Variants in CPNE4 observed in about 807,000 individuals in gnomAD.
The protein encoded by CPNE4 is copine-4.
A neutral mutation model predicts 67.9 loss-of-function variants in CPNE4; 25 were observed. The ratio of observed to expected loss-of-function variants is 0.37; its 90% confidence interval spans 0.27 to 0.51. The LOEUF is 0.51. CPNE4 is among the 20% of genes least tolerant of loss of function. The pLI is 0.93. For missense variants in CPNE4, 464 were observed against 690.8 expected (o/e 0.67, Z 3.68); for synonymous variants, 242 against 244.9 (o/e 0.99, Z 0.11).
chr3:131,796,103 A>C (rs575035832), intron 2 of CPNE4, among the ~76,000 whole-genome samples: 1 of 152,152 alleles, frequency 6.6e-6, no homozygotes, highest in African/African-American at 2.4e-5. Flanking sequence ...CTCAGCACCA[A>C]ATAAGGTTCC....
intron 2 of CPNE4, among the ~76,000 whole-genome samples, chr3:131,760,921 A>C (rs1295228419): frequency 1.3e-5 from 2 of 152,150 alleles, no homozygotes; most frequent in Non-Finnish European, 2.9e-5. Context: ...TCAAAGCAAG[A>C]GAAGAAGATT....
intron 15 of CPNE4, among the ~76,000 whole-genome samples, chr3:131,537,872 C>T (rs1038486494): frequency 3.3e-5 from 5 of 152,126 alleles, no homozygotes; most frequent in East Asian, 1.9e-4. Context: ...GAGAAAAATA[C>T]GTTCTATTTG....
At chr3:131,604,924 A>G (rs2107730865) in intron 7 of CPNE4, among the ~76,000 whole-genome samples, 1 of 152,242 alleles carries the variant, frequency 6.6e-6, no homozygotes, top group Non-Finnish European at 1.5e-5. Context: ...CCTAAGAAGT[A>G]CATACCTTTT....
intron 1 of CPNE4, among the ~76,000 whole-genome samples, chr3:131,967,794 T>C (rs1583531394): frequency 6.6e-6 from 1 of 152,170 alleles, no homozygotes; most frequent in South Asian, 2.1e-4. Flanking sequence ...AAGTAATTTA[T>C]AGATTCAATG....
chr3:131,836,210 A>G lies in CPNE4; in HGVS notation c.180+69054T>C, dbSNP rs188350334. 2.6e-5 allele frequency among the ~76,000 whole-genome samples: 4 copies of G among 152,312 alleles called. No individual in the cohort carries two copies. The East Asian group carries it at 7.7e-4, about 29-fold the overall frequency. On this transcript the variant is annotated intron_variant, in intron 2 of 15. Coordinates refer to ENST00000429747, the MANE Select transcript of CPNE4 (RefSeq NM_130808.3). ...CCATGCCCTTATGATCATAGATCCA[A>G]AAATTCTCAACAAAATGTAAATACA... is the stretch of plus-strand genomic sequence containing the variant.
intron 1 of CPNE4, among the ~76,000 whole-genome samples, chr3:131,995,249 T>C (rs1270302662): frequency 2.0e-5 from 3 of 152,136 alleles, no homozygotes; most frequent in African/African-American, 4.8e-5. Flanking sequence ...TTCCAACACA[T>C]AGCTATTTCA....
At position 132,034,583 on chromosome 3, in the gene CPNE4, C is replaced by A; in HGVS notation, c.-18G>T. On this transcript the variant is annotated 5_prime_UTR_variant, in exon 1 of 16. Coordinates refer to ENST00000429747, the MANE Select transcript of CPNE4 (RefSeq NM_130808.3). Reference sequence around the variant, plus strand: ...TTTACTTACCTGGGTGTGCCAATCTCGAAGAGTGGAGAGAGAATTCAGCCC... The same window carrying A: ...TTTACTTACCTGGGTGTGCCAATCTAGAAGAGTGGAGAGAGAATTCAGCCC... The A allele has an allele frequency of 1.0e-6, 1 of 985,350 alleles. No homozygotes were observed. Among genetic ancestry groups the A allele is most frequent in the Non-Finnish European group, 1.2e-6 (1 of 829,898 alleles). 61.0% of individuals were successfully genotyped at this position (985,350 alleles called of 1,614,324 possible). A position where few individuals can be genotyped will look rare whatever the true frequency, so the allele number is the denominator to read the frequency against.
At chr3:131,887,507 G>A (rs187784159) in intron 2 of CPNE4, among the ~76,000 whole-genome samples, 1 of 152,296 alleles carries the variant, frequency 6.6e-6, no homozygotes, top group African/African-American at 2.4e-5. Context: ...TCAGTAGGCT[G>A]TATTGTGAGG....
At chr3:131,863,116 C>T (rs1188047989) in intron 2 of CPNE4, among the ~76,000 whole-genome samples, 4 of 152,104 alleles carry the variant, frequency 2.6e-5, no homozygotes, top group African/African-American at 7.2e-5. Context: ...CATTGTTGGA[C>T]ATTTGGGTTG....
At chr3:131,961,132 T>C (rs1024087998) in intron 1 of CPNE4, among the ~76,000 whole-genome samples, 16 of 152,198 alleles carry the variant, frequency 1.1e-4, no homozygotes, top group African/African-American at 3.1e-4. Flanking sequence ...CCAGGGCATT[T>C]TTCTCCACGT....
chr3:131,630,076 T>C (rs1300974576), intron 7 of CPNE4, among the ~76,000 whole-genome samples: 1 of 152,128 alleles, frequency 6.6e-6, no homozygotes, highest in African/African-American at 2.4e-5. Context: ...TAATGAAAAA[T>C]GCCAGAAAAA....
chr3:131,916,210 G>A (rs2107799001), intron 1 of CPNE4, among the ~76,000 whole-genome samples: 1 of 152,204 alleles, frequency 6.6e-6, no homozygotes, highest in South Asian at 2.1e-4. Flanking sequence ...AATTTACCAA[G>A]TAGAAAGATC....
At chr3:131,609,991 A>G (rs566378606) in intron 7 of CPNE4, among the ~76,000 whole-genome samples, 2 of 152,330 alleles carry the variant, frequency 1.3e-5, no homozygotes, top group South Asian at 4.1e-4. Context: ...TGAGTAAAGT[A>G]GGTTTGCATA....
chr3:131,593,351 G>A (rs1310668052), intron 7 of CPNE4, among the ~76,000 whole-genome samples: 2 of 152,090 alleles, frequency 1.3e-5, no homozygotes, highest in Non-Finnish European at 2.9e-5. Flanking sequence ...GTATTTTGTA[G>A]TTTTCAGTGT....
intron 1 of CPNE4, among the ~76,000 whole-genome samples, chr3:131,997,324 T>C (rs931998226): frequency 1.3e-5 from 2 of 152,132 alleles, no homozygotes; most frequent in Non-Finnish European, 2.9e-5. Context: ...TCCTCCCCAC[T>C]GTAGAGACTG....
chr3:131,850,392 G>A (rs567493708), intron 2 of CPNE4, among the ~76,000 whole-genome samples: 46 of 152,204 alleles, frequency 3.0e-4, no homozygotes, highest in Non-Finnish European at 5.9e-4. Flanking sequence ...TTTACTAGCT[G>A]TGTGGCCTCG....
chr3:131,991,102 G>A (rs2369353), intron 1 of CPNE4, among the ~76,000 whole-genome samples: 53,319 of 134,838 alleles, frequency 0.4, 17,236 homozygotes, highest in South Asian at 0.58. Flanking sequence ...CCAGTCTCTC[G>A]TATGTCTTTA....
intron 1 of CPNE4, among the ~76,000 whole-genome samples, chr3:131,931,170 A>C (rs555476963): frequency 6.6e-6 from 1 of 152,292 alleles, no homozygotes; most frequent in African/African-American, 2.4e-5. Context: ...TGCTCTCCCG[A>C]TTAGACTGGC....
chr3:131,655,432 AGGGGTGATTG>A (rs2079929881), intron 7 of CPNE4, among the ~76,000 whole-genome samples: 1 of 152,184 alleles, frequency 6.6e-6, no homozygotes, highest in Non-Finnish European at 1.5e-5. Context: ...TGGGAGTAGC[AGGGGTGATTG>A]CATGGTAAGA....
Sources: gnomAD v4.1 joint callset for allele counts (sites outside exome capture counted in the v4.1 genomes callset) on GRCh38, gnomAD v4.1.1 for gene constraint, MANE v1.5 for transcripts, NCBI Gene and HGNC (gene_info 2026-07-23, HGNC 2026-07-21) for gene names.